The following RBFOX2 variants were observed in gnomAD, a reference collection of about 807,000 sequenced individuals.
RBFOX2 encodes the protein RNA binding protein fox-1 homolog 2.
Under a neutral mutation model 49.1 loss-of-function variants are expected in RBFOX2, and 10 were observed. That is an observed-to-expected ratio of 0.20 (90% CI 0.13 to 0.35). The LOEUF (loss-of-function observed/expected upper bound fraction) is 0.35, where lower values mean the gene tolerates loss of function less well. RBFOX2 is among the 10% of genes least tolerant of loss of function. The pLI, the probability that RBFOX2 is intolerant of heterozygous loss-of-function variation, is 1.00. For missense variants in RBFOX2, 323 were observed against 486.9 expected, an observed-to-expected ratio of 0.66 and a Z score of 3.17; for synonymous variants, 183 against 187.4, an observed-to-expected ratio of 0.98 and a Z score of 0.19.
intron 1 of RBFOX2, among the ~76,000 whole-genome samples, chr22:36,027,819 C>T (rs909845324): frequency 1.3e-5 from 2 of 152,030 alleles, no homozygotes; most frequent in Non-Finnish European, 2.9e-5. Context: ...CCAGCGTGTG[C>T]CCAGGGCTGC....
intron 1 of RBFOX2, among the ~76,000 whole-genome samples, chr22:35,819,431 G>C (rs1953954819): frequency 6.6e-6 from 1 of 152,104 alleles, no homozygotes; most frequent in African/African-American, 2.4e-5. Flanking sequence ...AAAGAGTTCT[G>C]CTTTATTTTA....
intron 1 of RBFOX2, 109 bp downstream of exon 1, chr22:36,028,131 C>A (rs904300095): frequency 1.5e-6 from 2 of 1,311,194 alleles, no homozygotes; most frequent in South Asian, 1.9e-5. Flanking sequence ...CCCATCCCAC[C>A]TCCAACCCAG....
At chr22:35,810,992 C>G (rs1371271671) in intron 1 of RBFOX2, among the ~76,000 whole-genome samples, 32 of 152,182 alleles carry the variant, frequency 2.1e-4, no homozygotes, top group Admixed American at 2.1e-3. Flanking sequence ...TACTGTGTTA[C>G]TCTTAAGAGA....
At chr22:35,910,002 G>C (rs911774842) in intron 1 of RBFOX2, among the ~76,000 whole-genome samples, 1 of 152,106 alleles carries the variant, frequency 6.6e-6, no homozygotes, top group African/African-American at 2.4e-5. Flanking sequence ...TTTGATGATT[G>C]ACAATCATAA....
intron 1 of RBFOX2, among the ~76,000 whole-genome samples, chr22:35,846,067 TTACA>T (rs1195855216): frequency 1.3e-5 from 2 of 150,568 alleles, no homozygotes; most frequent in East Asian, 1.9e-4. Flanking sequence ...GTTAATATAA[TTACA>T]TACACTATAT....
intron 1 of RBFOX2, among the ~76,000 whole-genome samples, chr22:35,815,096 C>T (rs564676138): frequency 3.5e-4 from 53 of 152,158 alleles, no homozygotes; most frequent in Non-Finnish European, 6.0e-4. Flanking sequence ...CATCACCTAC[C>T]GACAGGTGAC....
intron 1 of RBFOX2, among the ~76,000 whole-genome samples, chr22:36,018,085 G>T (rs2059111525): frequency 6.6e-6 from 1 of 152,228 alleles, no homozygotes; most frequent in Non-Finnish European, 1.5e-5. Context: ...CAACTGAGAA[G>T]CAGGAAGACA....
chr22:35,867,209 A>G (rs188159318), intron 1 of RBFOX2, among the ~76,000 whole-genome samples: 2 of 152,322 alleles, frequency 1.3e-5, no homozygotes, highest in African/African-American at 4.8e-5. Context: ...CTTTCCTGTG[A>G]TTGTGTCACA....
At chr22:35,986,544 C>T (rs2057732596) in intron 1 of RBFOX2, among the ~76,000 whole-genome samples, 1 of 152,150 alleles carries the variant, frequency 6.6e-6, no homozygotes, top group African/African-American at 2.4e-5. Context: ...AAAGACCAAA[C>T]TTGAAAGCAG....
At chr22:35,794,503 A>G (rs2147649221) in intron 2 of RBFOX2, among the ~76,000 whole-genome samples, 2 of 152,122 alleles carry the variant, frequency 1.3e-5, no homozygotes, top group Admixed American at 1.3e-4. Flanking sequence ...CTAAAAATAC[A>G]AAAAATTAGC....
At chr22:36,022,501 T>C (rs1404063485) in intron 1 of RBFOX2, among the ~76,000 whole-genome samples, 1 of 152,230 alleles carries the variant, frequency 6.6e-6, no homozygotes, top group Non-Finnish European at 1.5e-5. Context: ...TTTCTCCTTC[T>C]CAAATACATT....
At chr22:35,778,983 T>C (rs1944548892) in intron 3 of RBFOX2, among the ~76,000 whole-genome samples, 1 of 152,234 alleles carries the variant, frequency 6.6e-6, no homozygotes, top group Non-Finnish European at 1.5e-5. Context: ...ACCACTTCTA[T>C]AGGCTACATG....
chr22:35,969,657 C>T (rs867531407), intron 1 of RBFOX2, among the ~76,000 whole-genome samples: 3 of 152,158 alleles, frequency 2.0e-5, no homozygotes, highest in Non-Finnish European at 2.9e-5. Flanking sequence ...TCTCCAGCAT[C>T]GGCTCTTTAT....
intron 1 of RBFOX2, among the ~76,000 whole-genome samples, chr22:35,954,057 A>G (rs28669240): frequency 0.077 from 11,756 of 152,242 alleles, 477 homozygotes; most frequent in South Asian, 0.086. Context: ...ATTCAGGCAT[A>G]TATAACACAC....
chr22:35,847,219 C>G (rs1042210375), intron 1 of RBFOX2, among the ~76,000 whole-genome samples: 2 of 152,238 alleles, frequency 1.3e-5, no homozygotes, highest in East Asian at 1.9e-4. Context: ...ATAAAATAAT[C>G]ATTTTCAATG....
At chr22:35,810,168 T>C (rs537846357) in intron 1 of RBFOX2, among the ~76,000 whole-genome samples, 164 bp from the exon 3 acceptor site, 14 of 144,946 alleles carry the variant, frequency 9.7e-5, no homozygotes, top group African/African-American at 3.4e-4. Context: ...CATACACACA[T>C]AGATATATGT....
chr22:35,751,059 CT>C (rs149922446), intron 9 of RBFOX2, among the ~76,000 whole-genome samples: 2,943 of 152,240 alleles, frequency 0.019, 104 homozygotes, highest in African/African-American at 0.067. Context: ...ACCACATGAT[CT>C]TTCGGCACAG....
chr22:35,865,885 G>A (rs908863323), intron 1 of RBFOX2, among the ~76,000 whole-genome samples: 1 of 152,120 alleles, frequency 6.6e-6, no homozygotes, highest in African/African-American at 2.4e-5. Flanking sequence ...AGGCAGCTAT[G>A]CCATGAATAA....
chr22:35,924,943 G>A (rs1369101534), intron 1 of RBFOX2, among the ~76,000 whole-genome samples: 1 of 152,168 alleles, frequency 6.6e-6, no homozygotes, highest in Non-Finnish European at 1.5e-5. Flanking sequence ...GGAAGCCGAG[G>A]TGGGCGGATC....
Sources: gnomAD v4.1 joint callset for allele counts (sites outside exome capture counted in the v4.1 genomes callset) on GRCh38, gnomAD v4.1.1 for gene constraint, MANE v1.5 for transcripts, NCBI Gene and HGNC (gene_info 2026-07-23, HGNC 2026-07-21) for gene names.